DIP2A: variants seen among roughly 807,000 people sequenced by gnomAD.
DIP2A encodes DIP2 acetate--CoA ligase A, also known as disco-interacting protein 2 homolog A.
A neutral mutation model predicts 177.4 loss-of-function variants in DIP2A; 85 were observed. The observed-to-expected ratio is 0.48, with a 90% CI of 0.40 to 0.57. The LOEUF is 0.57. DIP2A is among the 20% of genes least tolerant of loss of function. DIP2A has a pLI of 0.00. For synonymous variants in DIP2A, 886 were observed against 881.8 expected (o/e 1.00, Z -0.08); for missense variants, 1,791 against 2,100.2 (o/e 0.85, Z 2.88).
intron 3 of DIP2A, among the ~76,000 whole-genome samples, chr21:46,493,134 T>G (rs2057117739): frequency 6.6e-6 from 1 of 152,086 alleles, no homozygotes; most frequent in Non-Finnish European, 1.5e-5. Context: ...GCCACTTAGT[T>G]TATGCTGTTT....
At chr21:46,487,570 ATAT>A (rs941862521) in intron 2 of DIP2A, among the ~76,000 whole-genome samples, 5 of 152,200 alleles carry the variant, frequency 3.3e-5, no homozygotes, top group Non-Finnish European at 5.9e-5. Context: ...AATATAGGTG[ATAT>A]TATTTTATAC....
At chr21:46,583,059 GA>G in the DIP2A span, among the ~76,000 whole-genome samples, 1 of 152,148 alleles carries the variant, frequency 6.6e-6, no homozygotes, top group Non-Finnish European at 1.5e-5. Context: ...AAAAGGATGA[GA>G]AAAGGTACAT....
At chr21:46,518,191 A>T (rs915490239) in intron 8 of DIP2A, among the ~76,000 whole-genome samples, 3 of 152,378 alleles carry the variant, frequency 2.0e-5, no homozygotes, top group African/African-American at 7.2e-5. Flanking sequence ...AGTTTTAGCT[A>T]CTAGAAACAG....
intron 13 of DIP2A, among the ~76,000 whole-genome samples, chr21:46,536,544 C>G (rs1372489978): frequency 6.6e-6 from 1 of 152,016 alleles, no homozygotes; most frequent in Non-Finnish European, 1.5e-5. Flanking sequence ...TAAGAATATC[C>G]CTGACAGTTT....
intron 3 of DIP2A, among the ~76,000 whole-genome samples, chr21:46,494,670 C>T (rs898427611): frequency 1.3e-5 from 2 of 152,222 alleles, no homozygotes; most frequent in Admixed American, 1.3e-4. Flanking sequence ...GGTTGAGTCA[C>T]TGGCCTCCTC....
At chr21:46,499,143 T>C (rs1052544596) in intron 5 of DIP2A, among the ~76,000 whole-genome samples, 1 of 152,252 alleles carries the variant, frequency 6.6e-6, no homozygotes, top group Non-Finnish European at 1.5e-5. Flanking sequence ...TGCAAATTTT[T>C]TCCCCCATCA....
At chr21:46,505,122 CCAAA>C (rs1162716674) in intron 6 of DIP2A, among the ~76,000 whole-genome samples, 2 of 151,990 alleles carry the variant, frequency 1.3e-5, no homozygotes, top group African/African-American at 4.8e-5. Context: ...GTTGGTACTC[CCAAA>C]CAGAGTGTCA....
At chr21:46,486,935 G>A (rs769410866) in intron 2 of DIP2A, among the ~76,000 whole-genome samples, 1 of 152,176 alleles carries the variant, frequency 6.6e-6, no homozygotes, top group South Asian at 2.1e-4. Context: ...TGTAAACATC[G>A]TGAGGATGAA....
At chr21:46,464,844 T>TTTTTTTTTTTTC (rs58546395) in intron 1 of DIP2A, among the ~76,000 whole-genome samples, 9 of 111,228 alleles carry the variant, frequency 8.1e-5, no homozygotes, top group African/African-American at 1.7e-4. Flanking sequence ...TTTTTTTTTT[T>TTTTTTTTTTTTC]CAAGAAAACA....
chr21:46,532,619 A>T (rs994267881), intron 10 of DIP2A, among the ~76,000 whole-genome samples: 2 of 152,218 alleles, frequency 1.3e-5, no homozygotes, highest in South Asian at 2.1e-4. Flanking sequence ...TATAGAAAAT[A>T]ATTATTATTT....
chr21:46,556,450 G>T lies in DIP2A; in HGVS notation c.3498+359G>T. The T allele has an allele frequency of 3.4e-6, 4 of 1,162,692 alleles. No homozygotes were observed. The highest frequency in any genetic ancestry group is 4.6e-6 in the Non-Finnish European group (4 of 862,418). The allele number at this position is 1,162,692 out of a possible 1,614,324, so 72.0% of individuals were successfully genotyped here. ...TGTAATCCCAGCACTTCGGGAGGCC[G>T]AGGCGGGTGGATCACAAGATCAAGA... On this transcript the variant is annotated intron_variant, in intron 29 of 37. Transcript: ENST00000417564. The surrounding 1 kb of genome is among the most constrained non-coding windows in gnomAD (Gnocchi z 4.5).
At chr21:46,574,567 G>T (rs2060981863), downstream of DIP2A, among the ~76,000 whole-genome samples, 1 of 152,064 alleles carries the variant, frequency 6.6e-6, no homozygotes, top group African/African-American at 2.4e-5. Context: ...TGACATTTTA[G>T]CTAGATGGAC....
downstream of DIP2A, among the ~76,000 whole-genome samples, chr21:46,572,167 G>C (rs1024323582): frequency 6.6e-6 from 1 of 152,122 alleles, no homozygotes; most frequent in Non-Finnish European, 1.5e-5. Flanking sequence ...AGTTTATAAA[G>C]ATGTCTAAAA....
At chr21:46,555,233 G>A (rs2060421705) in intron 28 of DIP2A, among the ~76,000 whole-genome samples, 1 of 152,216 alleles carries the variant, frequency 6.6e-6, no homozygotes, top group African/African-American at 2.4e-5. Flanking sequence ...GAGGCTTTCT[G>A]CAAACGCTTT....
intron 8 of DIP2A, among the ~76,000 whole-genome samples, chr21:46,518,968 T>TA (rs1303136227): frequency 6.6e-6 from 1 of 152,212 alleles, no homozygotes; most frequent in Non-Finnish European, 1.5e-5. Flanking sequence ...TAAGAATACT[T>TA]AGAGTTATTT....
chr21:46,547,173 C>T, intron 21 of DIP2A, 131 bp downstream of exon 21: 6 of 1,442,742 alleles, frequency 4.2e-6, no homozygotes, highest in Non-Finnish European at 5.5e-6. Context: ...CATCAGAAAA[C>T]TCCTAAAGTA....
intron 1 of DIP2A, among the ~76,000 whole-genome samples, chr21:46,468,867 A>G (rs1336259107): frequency 6.6e-6 from 1 of 152,224 alleles, no homozygotes; most frequent in Non-Finnish European, 1.5e-5. Flanking sequence ...AAAAAGAAAT[A>G]TCAGTGATTT....
intron 11 of DIP2A, 38 bp downstream of exon 11, chr21:46,533,685 C>T (rs761805308): frequency 7.4e-6 from 12 of 1,613,114 alleles, no homozygotes; most frequent in Middle Eastern, 1.6e-4. Context: ...AGTGTTCTGA[C>T]TGTGGTCTGT....
chr21:46,577,472 C>G, the DIP2A span, among the ~76,000 whole-genome samples: 1 of 152,118 alleles, frequency 6.6e-6, no homozygotes, highest in African/African-American at 2.4e-5. Context: ...GGTTCCCTAT[C>G]CTGTTCCACC....
Sources: allele counts gnomAD v4.1 joint callset (sites outside exome capture counted in the v4.1 genomes callset), GRCh38; gene constraint gnomAD v4.1.1; non-coding constraint Gnocchi (gnomAD v3.1); transcripts MANE v1.5; gene names NCBI Gene and HGNC (gene_info 2026-07-23, HGNC 2026-07-21).